The following PCDH15 variants were observed in gnomAD, a reference collection of about 807,000 sequenced individuals.
The protein encoded by PCDH15 is protocadherin-15.
PCDH15 carries 129 observed loss-of-function variants against 178.5 expected under a neutral mutation model. The observed-to-expected ratio is 0.72, with a 90% CI of 0.63 to 0.84. The LOEUF (loss-of-function observed/expected upper bound fraction) is 0.84, where lower values mean the gene tolerates loss of function less well. Ranked by LOEUF, PCDH15 falls within the 40% of genes least tolerant of loss-of-function variation. The probability of loss-of-function intolerance (pLI) is 0.00; values close to 1 mark genes in which losing one functional copy is unlikely to be tolerated. For synonymous variants in PCDH15, 800 were observed against 732.0 expected (o/e 1.09, Z -1.50); for missense variants, 2,230 against 2,099.9 (o/e 1.06, Z -1.21).
intron 20 of PCDH15, among the ~76,000 whole-genome samples, chr10:54,018,640 C>T (rs765150059): frequency 1.1e-4 from 17 of 152,194 alleles, no homozygotes; most frequent in Non-Finnish European, 2.5e-4. Flanking sequence ...TGATCCCACT[C>T]AGCTCTTACA....
chr10:55,360,094 T>A (rs1845192244), intron 2 of PCDH15, among the ~76,000 whole-genome samples: 1 of 151,970 alleles, frequency 6.6e-6, no homozygotes, highest in African/African-American at 2.4e-5. Context: ...AACAATATAT[T>A]GTTTACTTGA....
At chr10:54,228,549 A>G (rs1203588692) in intron 9 of PCDH15, among the ~76,000 whole-genome samples, 1 of 152,174 alleles carries the variant, frequency 6.6e-6, no homozygotes, top group East Asian at 1.9e-4. Flanking sequence ...AAATTAGAGA[A>G]CCAGAAAAAC....
At chr10:55,252,152 G>T (rs1277207092) in intron 1 of PCDH15, among the ~76,000 whole-genome samples, 1 of 152,112 alleles carries the variant, frequency 6.6e-6, no homozygotes, top group Non-Finnish European at 1.5e-5. Context: ...CACCAAAAAG[G>T]TATAAACACT....
intron 2 of PCDH15, among the ~76,000 whole-genome samples, chr10:55,082,598 C>T (rs944450984): frequency 3.8e-5 from 5 of 130,418 alleles, no homozygotes; most frequent in Non-Finnish European, 8.3e-5. Flanking sequence ...AAAAAAAACA[C>T]GCAAAATATC....
chr10:54,372,569 C>A (rs1947833693), intron 4 of PCDH15, among the ~76,000 whole-genome samples: 1 of 151,776 alleles, frequency 6.6e-6, no homozygotes. Flanking sequence ...AAGTACAGTT[C>A]TAATAAGTCC....
intron 3 of PCDH15, among the ~76,000 whole-genome samples, chr10:54,441,003 A>C (rs1891379): frequency 6.6e-6 from 1 of 151,430 alleles, no homozygotes; most frequent in Non-Finnish European, 1.5e-5. Flanking sequence ...TGTGACTATA[A>C]AATTAAGAAC....
intron 8 of PCDH15, among the ~76,000 whole-genome samples, chr10:54,258,298 C>T (rs1385774792): frequency 7.2e-5 from 11 of 151,788 alleles, no homozygotes; most frequent in Admixed American, 5.3e-4. Context: ...CAGTCAAGAA[C>T]GGGAAGACAT....
chr10:53,851,722 A>ATATATT (rs1262823062), intron 28 of PCDH15, among the ~76,000 whole-genome samples: 5 of 109,000 alleles, frequency 4.6e-5, no homozygotes, highest in Non-Finnish European at 1.0e-4. Flanking sequence ...ATATATATAT[A>ATATATT]TTTACACACA....
At chr10:54,659,578 C>A (rs972359064) in intron 2 of PCDH15, among the ~76,000 whole-genome samples, 2 of 151,784 alleles carry the variant, frequency 1.3e-5, no homozygotes, top group East Asian at 3.9e-4. Context: ...CATGGTAAAA[C>A]CCCATCTCTA....
chr10:54,761,099 C>T (rs1197451400), intron 1 of PCDH15, among the ~76,000 whole-genome samples: 1 of 152,022 alleles, frequency 6.6e-6, no homozygotes, highest in Non-Finnish European at 1.5e-5. Flanking sequence ...GTCTGGCTTC[C>T]TCTACGATGG....
chr10:53,887,824 G>T lies in PCDH15; in HGVS notation c.3501+15419C>A, dbSNP rs138697734. ...GAATGGCGTGAACCCGGGAGGCGTA[G>T]CTTGCAGTGAGCCAAGATCGCGCCA... On this transcript the variant is annotated intron_variant, in intron 26 of 37. Coordinates refer to ENST00000644397, the MANE Select transcript of PCDH15 (RefSeq NM_001384140.1). Among the ~76,000 whole-genome samples, 668 of 152,294 alleles carry T rather than the reference G, an allele frequency of 4.4e-3. 4 individuals are homozygous for T. Among genetic ancestry groups the T allele is most frequent in the African/African-American group, 0.015 (641 of 41,566 alleles).
chr10:55,442,470 T>TATAA (rs5785132), intron 2 of PCDH15, among the ~76,000 whole-genome samples: 2 of 124,698 alleles, frequency 1.6e-5, no homozygotes, highest in African/African-American at 6.4e-5. Flanking sequence ...TATATATATA[T>TATAA]TATATATATA....
rs527918779 is a variant in PCDH15, at chr10:54,761,323, G to A, written c.-29+39602C>T. 5.9e-5 allele frequency among the ~76,000 whole-genome samples: 9 copies of A among 152,136 alleles called. No individual in the cohort carries two copies. In the South Asian group the frequency reaches 1.7e-3, roughly 28 times the overall value. On this transcript the variant is annotated intron_variant, in intron 1 of 37. Transcript: ENST00000644397. ...AATTAGTCACAGTTGCCAAGAAACC[G>A]AATGACCTAGGTAATATGCTCAACT...
At chr10:55,247,382 T>C (rs1040577257) in intron 1 of PCDH15, among the ~76,000 whole-genome samples, 1 of 152,180 alleles carries the variant, frequency 6.6e-6, no homozygotes, top group Non-Finnish European at 1.5e-5. Context: ...ACAGGCCATG[T>C]TTATTTCCAA....
At chr10:54,401,440 G>A (rs1951920201) in intron 3 of PCDH15, among the ~76,000 whole-genome samples, 3 of 151,764 alleles carry the variant, frequency 2.0e-5, no homozygotes, top group African/African-American at 4.8e-5. Flanking sequence ...TGCTGGTAGA[G>A]GTAACCTCAT....
intron 2 of PCDH15, among the ~76,000 whole-genome samples, chr10:54,579,443 A>G (rs909785155): frequency 6.6e-6 from 1 of 152,148 alleles, no homozygotes; most frequent in Non-Finnish European, 1.5e-5. Flanking sequence ...AGACTTAACT[A>G]TCTTAAATAT....
At chr10:55,052,693 G>A (rs2131989630) in intron 2 of PCDH15, among the ~76,000 whole-genome samples, 1 of 151,954 alleles carries the variant, frequency 6.6e-6, no homozygotes, top group South Asian at 2.1e-4. Flanking sequence ...TTCAGCCTGG[G>A]CCACAGAGTG....
intron 2 of PCDH15, among the ~76,000 whole-genome samples, chr10:55,049,660 AAAAC>A (rs1332546638): frequency 5.3e-5 from 8 of 152,036 alleles, no homozygotes; most frequent in African/African-American, 1.9e-4. Flanking sequence ...CATATTGACC[AAAAC>A]AAACAGACGT....
chr10:54,068,453 A>C (rs935505840), intron 17 of PCDH15, among the ~76,000 whole-genome samples: 2 of 152,154 alleles, frequency 1.3e-5, no homozygotes, highest in African/African-American at 2.4e-5. Context: ...TCTGGAAACA[A>C]CCCAAATGTC....
Sources: gnomAD v4.1 joint callset for allele counts (sites outside exome capture counted in the v4.1 genomes callset) on GRCh38, gnomAD v4.1.1 for gene constraint, MANE v1.5 for transcripts, NCBI Gene and HGNC (gene_info 2026-07-23, HGNC 2026-07-21) for gene names.